The following AP1G1 variants were observed in gnomAD, a reference collection of about 807,000 sequenced individuals.
AP1G1 encodes the protein adaptor related protein complex 1 subunit gamma 1, also known as AP-1 complex subunit gamma-1.
Under a neutral mutation model 108.3 loss-of-function variants are expected in AP1G1, and 7 were observed. The ratio of observed to expected loss-of-function variants is 0.06; its 90% confidence interval spans 0.04 to 0.12. The LOEUF (loss-of-function observed/expected upper bound fraction) is 0.12. Ranked by LOEUF, AP1G1 falls within the 10% of genes least tolerant of loss-of-function variation. The pLI is 1.00. For synonymous variants in AP1G1, 379 were observed against 353.5 expected, an observed-to-expected ratio of 1.07 and a Z score of -0.81; for missense variants, 756 against 1,010.7, an observed-to-expected ratio of 0.75 and a Z score of 3.42.
Position 71,765,597 on chromosome 16 carries a change from A to C in AP1G1, c.643-13T>G. ...ATTGGGGCACAAGCTGCAGAGAAGA[A>C]AGATGCATCAAAAAACAGTGAATAT... On this transcript the variant is annotated splice_polypyrimidine_tract_variant and intron_variant, in intron 6 of 22. Transcript: ENST00000299980. 1 of 1,586,712 alleles carries C rather than the reference A, an allele frequency of 6.3e-7. No individual in the cohort carries two copies. The highest frequency in any genetic ancestry group is 8.7e-7 in the Non-Finnish European group (1 of 1,155,432).
chr16:71,807,313 T>G (rs555159971), intron 1 of AP1G1, among the ~76,000 whole-genome samples: 1 of 152,202 alleles, frequency 6.6e-6, no homozygotes, highest in Non-Finnish European at 1.5e-5. Context: ...GTGCCTGTAG[T>G]CCCAGCTACT....
At chr16:71,802,190 T>A (rs1025742712) in intron 1 of AP1G1, among the ~76,000 whole-genome samples, 2 of 152,132 alleles carry the variant, frequency 1.3e-5, no homozygotes, top group Non-Finnish European at 2.9e-5. Flanking sequence ...CTCAAGTTAG[T>A]GAACCTATTT....
intron 19 of AP1G1, 87 bp from the exon 20 acceptor site, chr16:71,739,428 A>G (rs777915036): frequency 9.3e-5 from 99 of 1,069,146 alleles, no homozygotes; most frequent in Non-Finnish European, 1.2e-4. Flanking sequence ...TTTCGGTCTC[A>G]GGTTAAGGAA....
At chr16:71,775,647 G>A (rs912795304) in intron 2 of AP1G1, among the ~76,000 whole-genome samples, 4 of 152,034 alleles carry the variant, frequency 2.6e-5, no homozygotes, top group African/African-American at 9.7e-5. Flanking sequence ...CTAACCATGA[G>A]GAATGTATAA....
In AP1G1 at chr16:71,747,348, C is replaced by G. The variant is rs1469222544; in HGVS notation, c.1626-656G>C. On this transcript the variant is annotated intron_variant, in intron 16 of 22. Coordinates refer to ENST00000299980, the MANE Select transcript of AP1G1 (RefSeq NM_001128.6). ...CTTGTCAAAATATAATAAACCAAAA[C>G]CTTGGCCAGATTACAAGGTCAGGAG... is the stretch of plus-strand genomic sequence containing the variant. The G allele has an allele frequency of 3.9e-5, 6 of 152,218 alleles. No individual in the cohort carries two copies. In the East Asian group the frequency reaches 1.2e-3, roughly 29 times the overall value. 9.4% of individuals were successfully genotyped at this position (152,218 alleles called of 1,614,324 possible). A position where few individuals can be genotyped will look rare whatever the true frequency, so the allele number is the denominator to read the frequency against.
At chr16:71,788,794 T>A (rs1597081310) in intron 2 of AP1G1, among the ~76,000 whole-genome samples, 1 of 150,408 alleles carries the variant, frequency 6.6e-6, no homozygotes, top group Non-Finnish European at 1.5e-5. Flanking sequence ...CCTGAGTAGC[T>A]GGGACTAAAG....
chr16:71,804,408 ATTTTT>A (rs71153664), intron 1 of AP1G1, among the ~76,000 whole-genome samples: 1 of 124,758 alleles, frequency 8.0e-6, no homozygotes. Context: ...TGCTCTCTTA[ATTTTT>A]TTTTTTTTTT....
At chr16:71,799,848 G>A (rs554840750) in intron 1 of AP1G1, among the ~76,000 whole-genome samples, 7 of 151,740 alleles carry the variant, frequency 4.6e-5, no homozygotes, top group African/African-American at 9.7e-5. Context: ...GCAGTGAGCC[G>A]AGACTGCGCC....
At chr16:71,768,425 C>CA (rs2031407769) in intron 6 of AP1G1, among the ~76,000 whole-genome samples, 1 of 134,868 alleles carries the variant, frequency 7.4e-6, no homozygotes, top group Admixed American at 8.7e-5. Context: ...CACTTGAACC[C>CA]AGGAGGTGGA....
At chr16:71,775,890 G>A (rs951525947) in intron 2 of AP1G1, among the ~76,000 whole-genome samples, 3 of 152,202 alleles carry the variant, frequency 2.0e-5, no homozygotes, top group Admixed American at 6.5e-5. Flanking sequence ...AAGAGTTCTT[G>A]TAAATTAGTT....
intron 13 of AP1G1, among the ~76,000 whole-genome samples, chr16:71,751,522 G>A (rs2030506078): frequency 6.6e-6 from 1 of 150,696 alleles, no homozygotes; most frequent in Non-Finnish European, 1.5e-5. Flanking sequence ...GGTCACTCCT[G>A]TTAAGAAACA....
intron 16 of AP1G1, among the ~76,000 whole-genome samples, chr16:71,747,999 C>G (rs1449205305): frequency 6.6e-6 from 1 of 152,080 alleles, no homozygotes; most frequent in Non-Finnish European, 1.5e-5. Flanking sequence ...CAAACAAAAC[C>G]CCCTAAACTT....
At chr16:71,778,692 A>G (rs1178957413) in intron 2 of AP1G1, among the ~76,000 whole-genome samples, 2 of 151,384 alleles carry the variant, frequency 1.3e-5, no homozygotes, top group Admixed American at 1.3e-4. Flanking sequence ...TAAAAAAAAA[A>G]AAAGAAAGAA....
chr16:71,770,229 A>C (rs554132842), intron 5 of AP1G1, among the ~76,000 whole-genome samples: 1 of 152,362 alleles, frequency 6.6e-6, no homozygotes, highest in South Asian at 2.1e-4. Context: ...CAAATAATTC[A>C]GTTGTTCAAC....
intron 10 of AP1G1, 149 bp from the exon 11 acceptor site, chr16:71,759,070 A>G (rs924664659): frequency 3.3e-6 from 2 of 600,282 alleles, no homozygotes; most frequent in African/African-American, 3.9e-5. Context: ...TAAAAGTAAC[A>G]TTTCAAAGGT....
intron 11 of AP1G1, chr16:71,758,572 G>C: frequency 1.7e-6 from 1 of 603,692 alleles, no homozygotes. Flanking sequence ...CAACTTCAGT[G>C]TGCACTTAAG....
At chr16:71,780,214 G>T (rs1167131875) in intron 2 of AP1G1, among the ~76,000 whole-genome samples, 1 of 151,952 alleles carries the variant, frequency 6.6e-6, no homozygotes, top group Non-Finnish European at 1.5e-5. Flanking sequence ...GGCTGGTCTT[G>T]AACTCCTGAC....
chr16:71,795,906 C>A (rs546228626), intron 1 of AP1G1, among the ~76,000 whole-genome samples: 1 of 152,052 alleles, frequency 6.6e-6, no homozygotes, highest in African/African-American at 2.4e-5. Flanking sequence ...CGGAAAAGAC[C>A]AGAGTTAGAA....
chr16:71,763,310 A>G (rs1008828417), intron 9 of AP1G1, among the ~76,000 whole-genome samples: 1 of 152,234 alleles, frequency 6.6e-6, no homozygotes, highest in Admixed American at 6.5e-5. Context: ...ACCTGAGAGT[A>G]GTCAAATTCA....
Sources: allele counts gnomAD v4.1 joint callset (sites outside exome capture counted in the v4.1 genomes callset), GRCh38; gene constraint gnomAD v4.1.1; transcripts MANE v1.5; gene names NCBI Gene and HGNC (gene_info 2026-07-23, HGNC 2026-07-21).